NFATC2: variants seen among roughly 807,000 people sequenced by gnomAD.
NFATC2 encodes the protein nuclear factor of activated T cells 2.
In NFATC2, 22 loss-of-function variants were observed where a neutral mutation model predicts 87.3. The observed-to-expected ratio is 0.25, with a 90% CI of 0.18 to 0.36. The LOEUF (loss-of-function observed/expected upper bound fraction) is 0.36, where lower values mean the gene tolerates loss of function less well. Ranked by LOEUF, NFATC2 falls within the 10% of genes least tolerant of loss-of-function variation. The pLI, the probability that NFATC2 is intolerant of heterozygous loss-of-function variation, is 1.00. For missense variants in NFATC2, 1,149 were observed against 1,259.1 expected (o/e 0.91, Z 1.32); for synonymous variants, 565 against 542.2 (o/e 1.04, Z -0.58).
chr20:51,398,763 GAAA>G (rs11478012), intron 9 of NFATC2, 33 bp from the exon 10 acceptor site: 7 of 1,249,068 alleles, frequency 5.6e-6, no homozygotes, highest in South Asian at 2.7e-5. Context: ...TTTTTGAGAA[GAAA>G]AAAAAAAATC....
At chr20:51,538,245 T>C (rs181150879) in intron 1 of NFATC2, among the ~76,000 whole-genome samples, 1 of 152,318 alleles carries the variant, frequency 6.6e-6, no homozygotes, top group East Asian at 1.9e-4. Flanking sequence ...GTGGAGTCCA[T>C]ACCAAGGATG....
In NFATC2 at chr20:51,558,487, G is replaced by C. The variant is rs564168478; in HGVS notation, c.70+4073C>G. ...TGGATTTAGGCATTGGTTTTTTTGG[G>C]GGGGGGCGAGGTAAATGTTGAAATA... On this transcript the variant is annotated intron_variant, in intron 1 of 10. Transcript: ENST00000414705. Among the ~76,000 whole-genome samples, 10 of 152,126 alleles carry C rather than the reference G, an allele frequency of 6.6e-5. No individual in the cohort carries two copies. In the South Asian group the frequency reaches 1.0e-3, roughly 16 times the overall value.
intron 6 of NFATC2, among the ~76,000 whole-genome samples, chr20:51,438,962 G>C (rs995724416): frequency 1.3e-5 from 2 of 152,224 alleles, no homozygotes; most frequent in African/African-American, 4.8e-5. Flanking sequence ...GTTGTTACAC[G>C]AGAGAAACTT....
At chr20:51,430,730 C>G (rs1213075980) in intron 9 of NFATC2, among the ~76,000 whole-genome samples, 1 of 152,224 alleles carries the variant, frequency 6.6e-6, no homozygotes, top group Non-Finnish European at 1.5e-5. Flanking sequence ...TAAAGGTCAA[C>G]AGCCTCTGAC....
intron 9 of NFATC2, among the ~76,000 whole-genome samples, chr20:51,411,116 G>C (rs1272844340): frequency 6.6e-6 from 1 of 152,154 alleles, no homozygotes; most frequent in Non-Finnish European, 1.5e-5. Flanking sequence ...TGACCCATGA[G>C]GTAAGTGTTA....
chr20:51,405,686 A>G (rs770760643), intron 9 of NFATC2, among the ~76,000 whole-genome samples: 1 of 152,064 alleles, frequency 6.6e-6, no homozygotes, highest in Non-Finnish European at 1.5e-5. Context: ...TCTCTCATCT[A>G]CTGCTGTATC....
intron 3 of NFATC2, among the ~76,000 whole-genome samples, chr20:51,493,347 G>T (rs996577700): frequency 6.6e-6 from 1 of 152,162 alleles, no homozygotes; most frequent in South Asian, 2.1e-4. Flanking sequence ...CCTTCATCTT[G>T]TTGTAATTCT....
upstream of NFATC2, among the ~76,000 whole-genome samples, chr20:51,544,130 G>A (rs1398628702): frequency 6.6e-6 from 1 of 151,788 alleles, no homozygotes; most frequent in Non-Finnish European, 1.5e-5. Flanking sequence ...TGGGACTACA[G>A]GCGCCAGCCA....
intron 3 of NFATC2, among the ~76,000 whole-genome samples, chr20:51,479,631 C>T (rs528414702): frequency 3.3e-5 from 5 of 152,176 alleles, no homozygotes; most frequent in African/African-American, 9.6e-5. Context: ...AACAAATAAA[C>T]CAACAAAAAA....
chr20:51,481,307 A>G (rs904527039), intron 3 of NFATC2, among the ~76,000 whole-genome samples: 1 of 150,456 alleles, frequency 6.6e-6, no homozygotes, highest in African/African-American at 2.4e-5. Flanking sequence ...CACCATCCCC[A>G]TTTTCGGGAG....
intron 5 of NFATC2, among the ~76,000 whole-genome samples, chr20:51,465,391 T>C (rs1569014456): frequency 2.6e-5 from 4 of 151,986 alleles, no homozygotes; most frequent in Non-Finnish European, 5.9e-5. Flanking sequence ...AAAAACTATA[T>C]ATATAGAAAT....
Position 51,432,721 on chromosome 20 carries a change from C to CT in NFATC2, c.2067_2068insA (p.Asp690ArgfsTer50). ...GTGGGGCTGCAGATCAGAGTGGGGT[C>CT]ATATTCATCCGTGGGCTCCGTCTTG... On this transcript the variant is annotated frameshift_variant, in exon 9 of 11. Coordinates refer to ENST00000371564, the MANE Select transcript of NFATC2 (RefSeq NM_012340.5). LOFTEE classifies it high-confidence loss of function. The surrounding 1 kb of genome is among the most constrained non-coding windows in gnomAD (Gnocchi z 4.6). The CT allele has an allele frequency of 6.3e-7, 1 of 1,586,030 alleles. No individual in the cohort carries two copies. Among genetic ancestry groups the CT allele is most frequent in the Non-Finnish European group, 8.5e-7 (1 of 1,173,622 alleles).
At chr20:51,492,165 C>G (rs991735626) in intron 3 of NFATC2, among the ~76,000 whole-genome samples, 2 of 152,054 alleles carry the variant, frequency 1.3e-5, no homozygotes, top group Non-Finnish European at 2.9e-5. Context: ...GGAGGGAGAG[C>G]CTCATCTTTA....
intron 10 of NFATC2, among the ~76,000 whole-genome samples, chr20:51,391,970 CAAATCTTTGTGGCAGAAATGG>C (rs1225119197): frequency 6.6e-6 from 1 of 152,126 alleles, no homozygotes; most frequent in Non-Finnish European, 1.5e-5. Context: ...GTAACTTTTT[CAAATCTTTGTGGCAGAAATGG>C]AAATCTTTGT....
chr20:51,491,057 G>A (rs991512959), intron 3 of NFATC2, among the ~76,000 whole-genome samples: 4 of 152,204 alleles, frequency 2.6e-5, no homozygotes, highest in African/African-American at 4.8e-5. Context: ...AAGGACCCAA[G>A]GAGGTCTGCT....
chr20:51,525,028 C>T (rs919478505), intron 1 of NFATC2, among the ~76,000 whole-genome samples: 2 of 151,866 alleles, frequency 1.3e-5, no homozygotes, highest in African/African-American at 4.8e-5. Flanking sequence ...GAGACCAGCC[C>T]GGCCAACATG....
intron 1 of NFATC2, among the ~76,000 whole-genome samples, chr20:51,526,180 C>T (rs763744512): frequency 2.1e-4 from 32 of 152,100 alleles, no homozygotes; most frequent in Admixed American, 5.9e-4. Context: ...TAACAGCTCC[C>T]GTCGCACCAG....
chr20:51,437,672 A>T (rs1440741111), intron 6 of NFATC2, among the ~76,000 whole-genome samples: 1 of 152,240 alleles, frequency 6.6e-6, no homozygotes, highest in African/African-American at 2.4e-5. Context: ...CTTTGTAACA[A>T]TTAAGTCTGT....
intron 9 of NFATC2, among the ~76,000 whole-genome samples, chr20:51,425,524 G>A (rs1981662832): frequency 6.6e-6 from 1 of 152,208 alleles, no homozygotes; most frequent in Admixed American, 6.5e-5. Flanking sequence ...GCACCAGGAG[G>A]CCCAGCCCTG....
Sources: gnomAD v4.1 joint callset for allele counts (sites outside exome capture counted in the v4.1 genomes callset) on GRCh38, gnomAD v4.1.1 for gene constraint, Gnocchi (gnomAD v3.1) non-coding constraint, MANE v1.5 for transcripts, NCBI Gene and HGNC (gene_info 2026-07-23, HGNC 2026-07-21) for gene names.